Variants in BMPR1B observed in about 807,000 individuals in gnomAD.
The protein encoded by BMPR1B is bone morphogenetic protein receptor type-1B.
Under a neutral mutation model 59.1 loss-of-function variants are expected in BMPR1B, and 12 were observed. That is an observed-to-expected ratio of 0.20 (90% CI 0.13 to 0.33). The LOEUF (loss-of-function observed/expected upper bound fraction) is 0.33. Ranked by LOEUF, BMPR1B falls within the 10% of genes least tolerant of loss-of-function variation. The pLI, the probability that BMPR1B is intolerant of heterozygous loss-of-function variation, is 1.00. For missense variants in BMPR1B, 550 were observed against 610.9 expected (o/e 0.90, Z 1.05); for synonymous variants, 237 against 207.3 (o/e 1.14, Z -1.23).
At chr4:95,119,692 G>A (rs570545123) in intron 6 of BMPR1B, among the ~76,000 whole-genome samples, 1 of 152,050 alleles carries the variant, frequency 6.6e-6, no homozygotes, top group Non-Finnish European at 1.5e-5. Flanking sequence ...TGCTTTAGTA[G>A]CCTCTCATTT....
At chr4:95,087,547 A>G (rs1172026296) in intron 3 of BMPR1B, among the ~76,000 whole-genome samples, 3 of 152,096 alleles carry the variant, frequency 2.0e-5, no homozygotes, top group Non-Finnish European at 4.4e-5. Flanking sequence ...CCTGGACAAC[A>G]TGGCGAAATG....
chr4:95,065,020 A>G (rs1462302975), intron 3 of BMPR1B, among the ~76,000 whole-genome samples: 1 of 152,146 alleles, frequency 6.6e-6, no homozygotes, highest in Non-Finnish European at 1.5e-5. Flanking sequence ...TTTGACTCCT[A>G]GGTATATACC....
At position 95,131,489 on chromosome 4, in the gene BMPR1B, G is replaced by A; in HGVS notation, c.1053G>A (p.Leu351=). ...KKNGTCCIAD[L]GLAVKFISDT... Reference sequence around the variant, plus strand: ...ATGGAACTTGCTGTATTGCTGACCTGGGCCTGGCTGTTAAATTTATTAGGT... The same window carrying A: ...ATGGAACTTGCTGTATTGCTGACCTAGGCCTGGCTGTTAAATTTATTAGGT... Residue 351 remains leucine, a synonymous_variant, in exon 10 of 13, where the codon CTG becomes CTA. Coordinates refer to ENST00000515059, the MANE Select transcript of BMPR1B (RefSeq NM_001203.3). The A allele has an allele frequency of 6.2e-7, 1 of 1,613,976 alleles. No individual in the cohort carries two copies. The highest frequency in any genetic ancestry group is 1.3e-5 in the African/African-American group (1 of 75,010).
Position 95,094,004 on chromosome 4 carries a change from G to T in BMPR1B, c.-17-10404G>T, listed in dbSNP as rs540364440. On this transcript the variant is annotated intron_variant, in intron 3 of 12. Transcript: ENST00000515059. ...TTCCCTCTTATGCACTCCTGTCTAG[G>T]ACTTAATTTGGCAATTATGTGGCAT... 2.6e-5 allele frequency among the ~76,000 whole-genome samples: 4 copies of T among 152,082 alleles called. No homozygotes were observed. The East Asian group carries it at 7.7e-4, about 29-fold the overall frequency.
At position 94,840,350 on chromosome 4, in the gene BMPR1B, A is replaced by G. The variant is rs879263757; in HGVS notation, c.-182-35481A>G. Among the ~76,000 whole-genome samples the G allele has an allele frequency of 3.4e-4, 51 of 148,860 alleles. 4 individuals carry two copies. The highest frequency in any genetic ancestry group is 5.2e-4 in the Non-Finnish European group (35 of 66,792). On this transcript the variant is annotated intron_variant, in intron 1 of 12. Transcript: ENST00000515059. The stretch of plus-strand genomic sequence containing the variant: ...GAAGTTCTCCTAGATAATATCCTGC[A>G]GAGTGTTTTTCAACTTGGTTCCATT...
intron 1 of BMPR1B, among the ~76,000 whole-genome samples, chr4:94,777,098 A>G (rs1052480037): frequency 5.9e-5 from 9 of 152,148 alleles, no homozygotes; most frequent in African/African-American, 2.2e-4. Context: ...AGTACAGTGA[A>G]CATCTTTATG....
At chr4:94,889,173 A>G (rs900230926) in intron 2 of BMPR1B, among the ~76,000 whole-genome samples, 1 of 152,028 alleles carries the variant, frequency 6.6e-6, no homozygotes, top group Non-Finnish European at 1.5e-5. Flanking sequence ...AACAATGGCG[A>G]TGTTTCAAAT....
At chr4:95,098,864 C>A (rs1326968756) in intron 3 of BMPR1B, among the ~76,000 whole-genome samples, 2 of 151,994 alleles carry the variant, frequency 1.3e-5, no homozygotes, top group African/African-American at 4.8e-5. Flanking sequence ...CTACAGGTGC[C>A]CGCTACCATG....
rs181672105 is a variant in BMPR1B at position 94,862,633 on chromosome 4, G to A, written c.-182-13198G>A. Among the ~76,000 whole-genome samples the A allele has an allele frequency of 8.6e-5, 13 of 150,856 alleles. No homozygotes were observed. In the East Asian group the frequency reaches 1.6e-3, roughly 19 times the overall value. On this transcript the variant is annotated intron_variant, in intron 1 of 12. Transcript: ENST00000515059. Reference sequence around the variant, plus strand: ...AGCCTGGTCAACATGATAAAACACCGTCTCCAATAAAAATATAAGAAAATT... The same window carrying A: ...AGCCTGGTCAACATGATAAAACACCATCTCCAATAAAAATATAAGAAAATT...
At chr4:95,114,309 C>G (rs1255187057) in intron 4 of BMPR1B, among the ~76,000 whole-genome samples, 1 of 152,132 alleles carries the variant, frequency 6.6e-6, no homozygotes, top group Non-Finnish European at 1.5e-5. Flanking sequence ...GCCCCCTGAG[C>G]CTCAGTTTCC....
At position 95,033,943 on chromosome 4, in the gene BMPR1B, A is replaced by G. The variant is rs1339928453; in HGVS notation, c.-18+37809A>G. Among the ~76,000 whole-genome samples, 4 of 152,162 alleles carry G rather than the reference A, an allele frequency of 2.6e-5. No homozygotes were observed. In the East Asian group the frequency reaches 7.7e-4, roughly 29 times the overall value. ...AAGTATTATGGAAGTTCAGAAGAGG[A>G]AGCAATTATTTCTGCTGAGATTACC... On this transcript the variant is annotated intron_variant, in intron 3 of 12. Coordinates refer to ENST00000515059, the MANE Select transcript of BMPR1B (RefSeq NM_001203.3).
At chr4:94,845,484 A>C (rs1403445910) in intron 1 of BMPR1B, among the ~76,000 whole-genome samples, 2 of 151,960 alleles carry the variant, frequency 1.3e-5, no homozygotes, top group Non-Finnish European at 1.5e-5. Flanking sequence ...CTGGGACTAC[A>C]GGTGCCCGCC....
At chr4:95,072,121 G>GA (rs1272816030) in intron 3 of BMPR1B, among the ~76,000 whole-genome samples, 3 of 152,064 alleles carry the variant, frequency 2.0e-5, no homozygotes, top group South Asian at 2.1e-4. Context: ...GCAAAGAAAG[G>GA]AAAAAAAGCC....
rs59564997 is a variant in BMPR1B, at chr4:94,946,761, G to A, written c.-112-49279G>A. Among the ~76,000 whole-genome samples, 469 of 152,048 alleles carry A rather than the reference G, an allele frequency of 3.1e-3. 3 individuals are homozygous for A. Among genetic ancestry groups the A allele is most frequent in the Middle Eastern group, 0.01 (3 of 294 alleles). On this transcript the variant is annotated intron_variant, in intron 2 of 12. Coordinates refer to ENST00000515059, the MANE Select transcript of BMPR1B (RefSeq NM_001203.3). ...AGTTTATGCCATGATATTCAAAAGG[G>A]CAAATTTGGTCAGGCGTGGTGGCTC...
chr4:94,864,239 C>T lies in BMPR1B; in HGVS notation c.-182-11592C>T, dbSNP rs542350345. On this transcript the variant is annotated intron_variant, in intron 1 of 12. Transcript: ENST00000515059. ...GGGATTCAGTCTTCAGAAGACCCTT[C>T]GTCTGTGCCAGAACCCCAGAATGGA... Among the ~76,000 whole-genome samples, 12 of 152,254 alleles carry T rather than the reference C, an allele frequency of 7.9e-5. No homozygotes were observed. In the East Asian group the frequency reaches 1.7e-3, roughly 22 times the overall value.
intron 2 of BMPR1B, among the ~76,000 whole-genome samples, chr4:94,946,735 T>C (rs1203743918): frequency 2.6e-5 from 4 of 152,120 alleles, no homozygotes; most frequent in African/African-American, 9.7e-5. Context: ...GTAAACCTTG[T>C]AGTTTATGCC....
intron 2 of BMPR1B, among the ~76,000 whole-genome samples, chr4:94,895,211 T>G (rs1369519878): frequency 1.3e-5 from 2 of 151,970 alleles, no homozygotes; most frequent in Non-Finnish European, 2.9e-5. Flanking sequence ...AAAATGTCCC[T>G]CATTGCTTGG....
intron 10 of BMPR1B, among the ~76,000 whole-genome samples, chr4:95,143,669 A>C (rs1001912415): frequency 1.3e-5 from 2 of 152,204 alleles, no homozygotes; most frequent in African/African-American, 2.4e-5. Context: ...TTGGTCAGAA[A>C]TATGAACTTG....
chr4:95,105,641 A>G (rs1476986082), intron 4 of BMPR1B, among the ~76,000 whole-genome samples: 3 of 152,074 alleles, frequency 2.0e-5, no homozygotes, highest in Non-Finnish European at 2.9e-5. Flanking sequence ...TCATAAATAT[A>G]TATCTCATTT....
Sources: allele counts gnomAD v4.1 joint callset (sites outside exome capture counted in the v4.1 genomes callset), GRCh38; gene constraint gnomAD v4.1.1; transcripts MANE v1.5; gene names NCBI Gene and HGNC (gene_info 2026-07-23, HGNC 2026-07-21).